CPEB1: variants seen among roughly 807,000 people sequenced by gnomAD.
CPEB1 encodes the protein cytoplasmic polyadenylation element binding protein 1.
CPEB1 carries 7 observed loss-of-function variants against 65.8 expected under a neutral mutation model. The ratio of observed to expected loss-of-function variants is 0.11; its 90% CI spans 0.06 to 0.20. The LOEUF is 0.20. Among genes scored for constraint, CPEB1 ranks in the 10% least tolerant of loss-of-function variants. The pLI is 1.00. For synonymous variants in CPEB1, 262 were observed against 260.0 expected (o/e 1.01, Z -0.08); for missense variants, 551 against 712.2 (o/e 0.77, Z 2.58).
At chr15:82,628,248 A>T in intron 2 of CPEB1, 116 bp downstream of exon 2, 1 of 702,936 alleles carries the variant, frequency 1.4e-6, no homozygotes, top group Non-Finnish European at 2.6e-6. Flanking sequence ...GACTTCACAG[A>T]TTTACCACAG....
At chr15:82,582,274 C>T (rs550964306) in intron 3 of CPEB1, among the ~76,000 whole-genome samples, 6 of 152,132 alleles carry the variant, frequency 3.9e-5, no homozygotes, top group Non-Finnish European at 7.3e-5. Flanking sequence ...TTTTTACAAA[C>T]GGGAGTGTTC....
chr15:82,602,650 A>G (rs1359189825), intron 3 of CPEB1, among the ~76,000 whole-genome samples: 1 of 152,186 alleles, frequency 6.6e-6, no homozygotes, highest in African/African-American at 2.4e-5. Flanking sequence ...GTTTGAGACC[A>G]GCCTGGCCAA....
chr15:82,571,590 T>G (rs753875446), intron 3 of CPEB1, 58 bp from the exon 4 acceptor site: 163 of 1,554,662 alleles, frequency 1.0e-4, no homozygotes, highest in Admixed American at 4.8e-4. Context: ...TTCCCCAATA[T>G]TATCAACAGT....
At chr15:82,565,995 G>C (rs928970912) in intron 4 of CPEB1, among the ~76,000 whole-genome samples, 5 of 152,148 alleles carry the variant, frequency 3.3e-5, no homozygotes, top group Non-Finnish European at 5.9e-5. Flanking sequence ...TACCTCAGAG[G>C]GTATAAGAGA....
At chr15:82,626,075 G>C (rs941795437) in intron 3 of CPEB1, among the ~76,000 whole-genome samples, 1 of 148,374 alleles carries the variant, frequency 6.7e-6, no homozygotes, top group Admixed American at 6.7e-5. Context: ...AGCTGAGATC[G>C]CACCACTGCA....
chr15:82,641,142 A>G (rs2151383194), intron 1 of CPEB1, among the ~76,000 whole-genome samples: 1 of 152,308 alleles, frequency 6.6e-6, no homozygotes, highest in South Asian at 2.1e-4. Context: ...GTCAGAGATT[A>G]TATCTGGCTT....
chr15:82,594,226 G>A (rs752557822), intron 3 of CPEB1, among the ~76,000 whole-genome samples: 5 of 152,180 alleles, frequency 3.3e-5, no homozygotes, highest in African/African-American at 4.8e-5. Context: ...ATCTGTTGTT[G>A]AGTGTAGCCA....
intron 3 of CPEB1, among the ~76,000 whole-genome samples, chr15:82,600,122 T>C (rs2042978504): frequency 6.6e-6 from 1 of 152,044 alleles, no homozygotes; most frequent in Admixed American, 6.6e-5. Context: ...GATAACCATA[T>C]TTAAACTAAG....
At chr15:82,584,317 G>T (rs1307290662) in intron 3 of CPEB1, among the ~76,000 whole-genome samples, 1 of 135,378 alleles carries the variant, frequency 7.4e-6, no homozygotes, top group Non-Finnish European at 1.6e-5. Context: ...TGAACGTGAA[G>T]ATACAAGTTT....
chr15:82,594,933 A>G (rs1263180023), intron 3 of CPEB1, among the ~76,000 whole-genome samples: 1 of 152,232 alleles, frequency 6.6e-6, no homozygotes, highest in Admixed American at 6.5e-5. Context: ...TTATCAATTA[A>G]GTTCACCATC....
intron 3 of CPEB1, among the ~76,000 whole-genome samples, chr15:82,582,378 G>A (rs1199796409): frequency 2.0e-5 from 3 of 152,116 alleles, no homozygotes; most frequent in Non-Finnish European, 4.4e-5. Flanking sequence ...TAATATCCTG[G>A]CACCAGCTAA....
At chr15:82,623,613 T>G (rs1415519657) in intron 3 of CPEB1, among the ~76,000 whole-genome samples, 3 of 152,046 alleles carry the variant, frequency 2.0e-5, no homozygotes, top group Non-Finnish European at 4.4e-5. Context: ...GAGTTGGAGG[T>G]TGCAGTGAGC....
chr15:82,567,074 G>C (rs538452107), intron 4 of CPEB1, among the ~76,000 whole-genome samples: 92 of 152,292 alleles, frequency 6.0e-4, no homozygotes, highest in African/African-American at 2.1e-3. Flanking sequence ...AAGCACTGTT[G>C]TACTGCTGGG....
intron 3 of CPEB1, among the ~76,000 whole-genome samples, chr15:82,576,107 T>C (rs546815512): frequency 1.1e-4 from 16 of 152,286 alleles, no homozygotes; most frequent in African/African-American, 3.4e-4. Flanking sequence ...CAAAATGTAG[T>C]ACATGCATAT....
At position 82,594,240 on chromosome 15, in the gene CPEB1, T is replaced by TA. The variant is rs751626826; in HGVS notation, c.272-22709dup. 5.3e-5 allele frequency among the ~76,000 whole-genome samples: 8 copies of TA among 152,330 alleles called. No homozygotes were observed. In the South Asian group the frequency reaches 1.7e-3, roughly 32 times the overall value. ...AATCTGTTGTTGAGTGTAGCCATCT[T>TA]ACCAATGATCTTAGCTAGATCTTCT... On this transcript the variant is annotated intron_variant, in intron 3 of 12. Transcript: ENST00000684509.
chr15:82,630,047 G>T, intron 1 of CPEB1: 2 of 985,384 alleles, frequency 2.0e-6, no homozygotes, highest in Non-Finnish European at 2.4e-6. Context: ...CACAACTGTA[G>T]ATTTCTAAGC....
intron 7 of CPEB1, 21 bp downstream of exon 7, chr15:82,553,857 C>A (rs1224672950): frequency 6.7e-7 from 1 of 1,497,824 alleles, no homozygotes; most frequent in East Asian, 2.3e-5. Flanking sequence ...ACTCTTAAAG[C>A]AGGTCTTAGA....
At chr15:82,554,583 C>A (rs1310219313) in intron 6 of CPEB1, among the ~76,000 whole-genome samples, 1 of 152,202 alleles carries the variant, frequency 6.6e-6, no homozygotes, top group Admixed American at 6.5e-5. Context: ...GACAATGGGC[C>A]TTCCTTGATG....
intron 1 of CPEB1, among the ~76,000 whole-genome samples, chr15:82,640,140 C>T (rs2046988539): frequency 6.6e-6 from 1 of 152,094 alleles, no homozygotes; most frequent in Non-Finnish European, 1.5e-5. Flanking sequence ...GGGGACCAGA[C>T]ATAACAGGCG....
Sources: allele counts gnomAD v4.1 joint callset (sites outside exome capture counted in the v4.1 genomes callset), GRCh38; gene constraint gnomAD v4.1.1; transcripts MANE v1.5; gene names NCBI Gene and HGNC (gene_info 2026-07-23, HGNC 2026-07-21).